The following ZNF516 variants were observed in gnomAD, a reference collection of about 807,000 sequenced individuals.
ZNF516 encodes the protein zinc finger protein 516.
In ZNF516, 19 loss-of-function variants were observed where a neutral mutation model predicts 79.7. That is an observed-to-expected ratio of 0.24 (90% CI 0.17 to 0.35). ZNF516 has a LOEUF of 0.35. Among genes scored for constraint, ZNF516 ranks in the 10% least tolerant of loss-of-function variants. The pLI is 1.00. For missense variants in ZNF516, 1,678 were observed against 1,679.5 expected, an observed-to-expected ratio of 1.00 and a Z score of 0.02; for synonymous variants, 877 against 739.5, an observed-to-expected ratio of 1.19 and a Z score of -3.02.
Position 76,426,378 on chromosome 18 carries a change from A to G in ZNF516, c.1810+14867T>C, listed in dbSNP as rs146579221. Among the ~76,000 whole-genome samples, 17 of 152,318 alleles carry G rather than the reference A, an allele frequency of 1.1e-4. No individual in the cohort carries two copies. In the East Asian group the frequency reaches 3.3e-3, roughly 29 times the overall value. On this transcript the variant is annotated intron_variant, in intron 3 of 6. Transcript: ENST00000443185. ...GACCAGACATTTCCCCCATGCATTA[A>G]AAGAACATAACCTACCAGAAAAGGT...
In ZNF516 at chr18:76,360,794, C is replaced by T. The variant is rs1319038002; in HGVS notation, c.*1704G>A. 2 of 141,400 alleles carry T rather than the reference C, an allele frequency of 1.4e-5. No individual in the cohort carries two copies. Among genetic ancestry groups the T allele is most frequent in the East Asian group, 4.0e-4 (2 of 5,034 alleles). 8.8% of individuals were successfully genotyped at this position (141,400 alleles called of 1,614,324 possible). ...AACCAAACATTACTAATAACAATAA[C>T]AATAATAATAATAATAATAATAATA... On this transcript the variant is annotated 3_prime_UTR_variant, in exon 7 of 7. Transcript: ENST00000443185.
At position 76,360,648 on chromosome 18, in the gene ZNF516, T is replaced by TATATATATAC. The variant is rs2074520935; in HGVS notation, c.*1849_*1850insGTATATATAT. ...AAAAATAAGTAAAAAAAAAAAAAAA[T>TATATATATAC]ATATATATATATATATATATATATA... On this transcript the variant is annotated 3_prime_UTR_variant, in exon 7 of 7. Coordinates refer to ENST00000443185, the MANE Select transcript of ZNF516 (RefSeq NM_014643.4). 2.3e-5 allele frequency: 1 copy of TATATATATAC among 44,150 alleles called. No homozygotes were observed. The highest frequency in any genetic ancestry group is 4.2e-5 in the Non-Finnish European group (1 of 23,602). The allele number at this position is 44,150 out of a possible 1,614,324, so 2.7% of individuals were successfully genotyped here. A position where few individuals can be genotyped will look rare whatever the true frequency, so the allele number is the denominator to read the frequency against.
chr18:76,475,834 G>T (rs1914142778), intron 1 of ZNF516, among the ~76,000 whole-genome samples: 1 of 152,180 alleles, frequency 6.6e-6, no homozygotes, highest in Admixed American at 6.5e-5. Flanking sequence ...AAAACTCACA[G>T]AACATTGTAC....
rs767207487 is a variant in ZNF516 at position 76,442,043 on chromosome 18, C to T, written c.1012G>A (p.Ala338Thr). Residue 338 changes from alanine to threonine, a missense_variant, in exon 3 of 7, where the codon GCC becomes ACC. This residue lies in a region of ZNF516 where 1,294 missense variants were observed against 1,248.3 expected (regional missense o/e 1.04). Coordinates refer to ENST00000443185, the MANE Select transcript of ZNF516 (RefSeq NM_014643.4). ...VAGLSLYEVCAKCGNLFTNLD... is the reference protein window; with the variant it reads ...VAGLSLYEVCTKCGNLFTNLD... ...TTTGTAAACAGGTTCCCGCACTTGG[C>T]GCAGACCTCGTAGAGGCTCAGGCCG... 2 of 1,613,866 alleles carry T rather than the reference C, an allele frequency of 1.2e-6. No individual in the cohort carries two copies. Among genetic ancestry groups the T allele is most frequent in the East Asian group, 4.5e-5 (2 of 44,890 alleles).
At position 76,379,233 on chromosome 18, in the gene ZNF516, C is replaced by T. The variant is rs754323958; in HGVS notation, c.2881G>A (p.Gly961Ser). 2 of 1,612,764 alleles carry T rather than the reference C, an allele frequency of 1.2e-6. No individual in the cohort carries two copies. Among genetic ancestry groups the T allele is most frequent in the Non-Finnish European group, 1.7e-6 (2 of 1,179,722 alleles). Reference protein sequence around the residue: ...EKFGVPPAGAGFAPTNKHSAP... With the variant: ...EKFGVPPAGASFAPTNKHSAP... ...CTGTGCTTATTTGTGGGGGCAAAGC[C>T]AGCCCCCGCTGGGGGGACCCCAAAC... is the stretch of plus-strand genomic sequence containing the variant. Residue 961 changes from glycine (G) to serine (S), a missense_variant, in exon 4 of 7, where the codon GGC (glycine) becomes AGC (serine). Around this residue, in one of 5 missense-constraint regions of ZNF516, gnomAD observed 1,294 missense variants for 1,248.3 expected, o/e 1.04. Transcript: ENST00000443185.
Position 76,441,597 on chromosome 18 carries a change from G to A in ZNF516, c.1458C>T (p.Asp486=). 1 of 1,440,782 alleles carries A rather than the reference G, an allele frequency of 6.9e-7. No individual in the cohort carries two copies. The highest frequency in any genetic ancestry group is 9.1e-7 in the Non-Finnish European group (1 of 1,101,516). The allele number at this position is 1,440,782 out of a possible 1,614,324, so 89.2% of individuals were successfully genotyped here. A position where few individuals can be genotyped will look rare whatever the true frequency, so the allele number is the denominator to read the frequency against. ...PPRKRASGPG[D]PAPAGHLDPR... is the part of the protein sequence containing the mutation. ...GATCGAGGTGGCCGGCGGGCGCGGGGTCCCCAGGCCCGCTCGCGCGCTTCC... is the reference window on the plus strand; with the variant it reads ...GATCGAGGTGGCCGGCGGGCGCGGGATCCCCAGGCCCGCTCGCGCGCTTCC... Residue 486 remains aspartate (D), a synonymous_variant, in exon 3 of 7, where the codon GAC becomes GAT. Coordinates refer to ENST00000443185, the MANE Select transcript of ZNF516 (RefSeq NM_014643.4).
intron 2 of ZNF516, among the ~76,000 whole-genome samples, chr18:76,449,503 A>C (rs1912266369): frequency 6.6e-6 from 1 of 152,254 alleles, no homozygotes. Flanking sequence ...CCTGGGATTA[A>C]AACCCAGTTC....
chr18:76,433,212 C>T (rs2075684975), intron 3 of ZNF516, among the ~76,000 whole-genome samples: 1 of 152,214 alleles, frequency 6.6e-6, no homozygotes, highest in Non-Finnish European at 1.5e-5. Context: ...GTAAAAAGCA[C>T]CACTGACCGC....
intron 4 of ZNF516, among the ~76,000 whole-genome samples, chr18:76,375,727 C>A (rs2074777232): frequency 6.8e-6 from 1 of 146,706 alleles, no homozygotes; most frequent in Admixed American, 6.8e-5. Context: ...GGCCAAGAGA[C>A]CAGGTAGAGG....
chr18:76,421,976 TG>T (rs1482156968), intron 3 of ZNF516, among the ~76,000 whole-genome samples: 71 of 152,348 alleles, frequency 4.7e-4, no homozygotes, highest in Admixed American at 4.6e-3. Context: ...TTTTGTTTTT[TG>T]TTTTTAATCT....
At chr18:76,458,181 G>C (rs552419808) in intron 2 of ZNF516, among the ~76,000 whole-genome samples, 1 of 152,166 alleles carries the variant, frequency 6.6e-6, no homozygotes, top group Admixed American at 6.5e-5. Context: ...AACTTGATGC[G>C]AAATGACAAA....
intron 3 of ZNF516, chr18:76,388,797 T>G (rs375287265): frequency 7.2e-5 from 11 of 152,318 alleles, no homozygotes; most frequent in African/African-American, 2.6e-4. Context: ...CAGTGTGAGT[T>G]ACTCGGCTCA....
chr18:76,405,577 C>T (rs1196052377), intron 3 of ZNF516, among the ~76,000 whole-genome samples: 1 of 152,088 alleles, frequency 6.6e-6, no homozygotes, highest in African/African-American at 2.4e-5. Flanking sequence ...CCTTCTACCC[C>T]TTTCACTTTC....
intron 1 of ZNF516, among the ~76,000 whole-genome samples, chr18:76,468,743 T>C (rs1164124045): frequency 2.0e-5 from 3 of 152,120 alleles, no homozygotes; most frequent in Non-Finnish European, 1.5e-5. Context: ...TTATGTGTAG[T>C]CCAAGACAGT....
At chr18:76,492,793 T>C in intron 1 of ZNF516, 1 of 985,814 alleles carries the variant, frequency 1.0e-6, no homozygotes, top group Non-Finnish European at 1.2e-6. Flanking sequence ...CTAAACCCCA[T>C]GCTTCACAGA....
At chr18:76,461,106 C>A (rs1913078103) in intron 2 of ZNF516, among the ~76,000 whole-genome samples, 1 of 152,168 alleles carries the variant, frequency 6.6e-6, no homozygotes, top group Admixed American at 6.5e-5. Context: ...CGCTTGAACC[C>A]GGGAGCCGGA....
chr18:76,491,143 A>G (rs1447213118), intron 1 of ZNF516: 2 of 966,478 alleles, frequency 2.1e-6, no homozygotes, highest in Non-Finnish European at 2.5e-6. Flanking sequence ...GAAGTTTAAA[A>G]TAGAAACCAA....
chr18:76,480,812 G>A (rs1046543273), intron 1 of ZNF516, among the ~76,000 whole-genome samples: 3 of 152,008 alleles, frequency 2.0e-5, no homozygotes, highest in Non-Finnish European at 4.4e-5. Context: ...GTGGGCCACC[G>A]CACCCGGCTG....
At chr18:76,475,023 C>G (rs771071620) in intron 1 of ZNF516, among the ~76,000 whole-genome samples, 14 of 152,210 alleles carry the variant, frequency 9.2e-5, no homozygotes, top group African/African-American at 1.7e-4. Context: ...AAGTCCACAC[C>G]TGAAATCTTT....
Sources: gnomAD v4.1 joint callset for allele counts (sites outside exome capture counted in the v4.1 genomes callset) on GRCh38, gnomAD v4.1.1 for gene constraint, gnomAD v4.1.1 regional missense constraint, MANE v1.5 for transcripts, NCBI Gene and HGNC (gene_info 2026-07-23, HGNC 2026-07-21) for gene names.